The following COBL variants were observed in gnomAD, a reference collection of about 807,000 sequenced individuals.
The protein encoded by COBL is cordon-bleu WH2 repeat protein.
In COBL, 51 loss-of-function variants were observed where a neutral mutation model predicts 98.8. The observed-to-expected ratio is 0.52, with a 90% CI of 0.41 to 0.65. COBL has a LOEUF of 0.65. Among genes scored for constraint, COBL ranks in the 30% least tolerant of loss-of-function variants. The probability of loss-of-function intolerance (pLI) is 0.00; values close to 1 mark genes in which losing one functional copy is unlikely to be tolerated. For synonymous variants in COBL, 634 were observed against 651.7 expected (o/e 0.97, Z 0.41); for missense variants, 1,617 against 1,617.5 (o/e 1.00, Z 0.01).
At chr7:51,031,077 G>GGT (rs1465878255) in intron 8 of COBL, 168 bp from the exon 9 acceptor site, 4 of 614,502 alleles carry the variant, frequency 6.5e-6, no homozygotes, top group Non-Finnish European at 8.7e-6. Context: ...ATTGTTCATG[G>GGT]GTGTGTGTGT....
chr7:51,146,618 G>C (rs1785055108), intron 5 of COBL, among the ~76,000 whole-genome samples: 1 of 150,450 alleles, frequency 6.6e-6, no homozygotes, highest in African/African-American at 2.4e-5. Flanking sequence ...GACAGAGGAA[G>C]GTGACCGCTG....
intron 5 of COBL, among the ~76,000 whole-genome samples, chr7:51,168,707 G>A (rs950471960): frequency 5.9e-5 from 9 of 152,114 alleles, no homozygotes; most frequent in Middle Eastern, 3.2e-3. Flanking sequence ...AGAACTGTTT[G>A]GTGGTTCCTC....
intron 1 of COBL, among the ~76,000 whole-genome samples, chr7:51,309,619 GT>G (rs895841177): frequency 2.0e-5 from 3 of 152,104 alleles, no homozygotes; most frequent in Admixed American, 1.3e-4. Flanking sequence ...TTAAGAAACA[GT>G]TTTTTTGAAA....
At chr7:51,096,165 CTT>C (rs1431545182) in intron 6 of COBL, among the ~76,000 whole-genome samples, 1 of 152,070 alleles carries the variant, frequency 6.6e-6, no homozygotes, top group African/African-American at 2.4e-5. Context: ...TATCAAATAT[CTT>C]TTCTGACTAT....
chr7:51,171,933 C>T (rs984374483), intron 5 of COBL, among the ~76,000 whole-genome samples: 2 of 152,124 alleles, frequency 1.3e-5, no homozygotes, highest in African/African-American at 2.4e-5. Context: ...AAAGATCCAA[C>T]TTTTATTAGA....
chr7:51,138,818 C>T (rs1002884965), intron 5 of COBL, among the ~76,000 whole-genome samples: 6 of 152,346 alleles, frequency 3.9e-5, no homozygotes, highest in East Asian at 1.9e-4. Flanking sequence ...CCCAGAAACA[C>T]GATGTCCATG....
At chr7:51,252,276 A>G (rs1296952011) in intron 1 of COBL, among the ~76,000 whole-genome samples, 1 of 152,162 alleles carries the variant, frequency 6.6e-6, no homozygotes, top group East Asian at 1.9e-4. Context: ...TGTTTTTCAT[A>G]TATTCACTGA....
At chr7:51,128,674 C>T (rs890422793) in intron 6 of COBL, among the ~76,000 whole-genome samples, 1 of 152,258 alleles carries the variant, frequency 6.6e-6, no homozygotes, top group Non-Finnish European at 1.5e-5. Context: ...CACGGCTGCT[C>T]CTGCGGCCTC....
At chr7:51,239,040 A>G (rs1001813558) in intron 1 of COBL, among the ~76,000 whole-genome samples, 1 of 152,256 alleles carries the variant, frequency 6.6e-6, no homozygotes, top group Non-Finnish European at 1.5e-5. Context: ...AATAAGGGTA[A>G]TAAATATGCA....
chr7:51,045,422 G>A (rs1208687546), intron 7 of COBL, among the ~76,000 whole-genome samples: 2 of 152,030 alleles, frequency 1.3e-5, no homozygotes, highest in South Asian at 2.1e-4. Context: ...GGACAGACAC[G>A]TACGCAAAGA....
chr7:51,102,211 G>T (rs1290657550), intron 6 of COBL, among the ~76,000 whole-genome samples: 3 of 152,108 alleles, frequency 2.0e-5, no homozygotes, highest in Non-Finnish European at 4.4e-5. Context: ...CTTTTGCTTG[G>T]TCAGGACTGA....
chr7:51,040,083 T>C (rs1193949082), intron 8 of COBL, among the ~76,000 whole-genome samples: 1 of 152,132 alleles, frequency 6.6e-6, no homozygotes, highest in East Asian at 1.9e-4. Context: ...GAGGCACTGC[T>C]TTTAAGTAAT....
chr7:51,084,647 G>A (rs1419657796), intron 7 of COBL, among the ~76,000 whole-genome samples: 1 of 151,950 alleles, frequency 6.6e-6, no homozygotes, highest in Non-Finnish European at 1.5e-5. Context: ...TTTCCTCTGG[G>A]CTCTCTTTCC....
chr7:51,133,284 C>T (rs1405431924), intron 6 of COBL, among the ~76,000 whole-genome samples: 1 of 152,176 alleles, frequency 6.6e-6, no homozygotes, highest in Non-Finnish European at 1.5e-5. Flanking sequence ...TAACACATAA[C>T]TTTAGGCCTA....
chr7:51,207,082 G>A (rs568303331), intron 2 of COBL, among the ~76,000 whole-genome samples: 22 of 152,122 alleles, frequency 1.4e-4, no homozygotes, highest in African/African-American at 5.1e-4. Flanking sequence ...CTACTTTGTG[G>A]CTATTTCACA....
intron 6 of COBL, 53 bp from the exon 7 acceptor site, chr7:51,085,357 T>C: frequency 2.1e-6 from 1 of 480,078 alleles, no homozygotes; most frequent in African/African-American, 6.3e-5. Flanking sequence ...ACCTATGAAG[T>C]ACAAAGAAGG....
At chr7:51,182,894 AG>A (rs1789125097) in intron 5 of COBL, among the ~76,000 whole-genome samples, 1 of 152,198 alleles carries the variant, frequency 6.6e-6, no homozygotes, top group East Asian at 1.9e-4. Context: ...TCTTAAAGAC[AG>A]GAAGTCTGCC....
chr7:51,290,193 C>T (rs991530075), intron 1 of COBL, among the ~76,000 whole-genome samples: 3 of 152,228 alleles, frequency 2.0e-5, no homozygotes, highest in Non-Finnish European at 4.4e-5. Context: ...ATACACCAAT[C>T]ACAGAGACTC....
chr7:51,180,232 T>C (rs1788803062), intron 5 of COBL, among the ~76,000 whole-genome samples: 1 of 152,222 alleles, frequency 6.6e-6, no homozygotes, highest in African/African-American at 2.4e-5. Context: ...GGGCTGAAGT[T>C]GACTTTATAG....
Sources: allele counts gnomAD v4.1 joint callset (sites outside exome capture counted in the v4.1 genomes callset), GRCh38; gene constraint gnomAD v4.1.1; transcripts MANE v1.5; gene names NCBI Gene and HGNC (gene_info 2026-07-23, HGNC 2026-07-21).